The following WDSUB1 variants were observed in gnomAD, a reference collection of about 807,000 sequenced individuals.
WDSUB1 encodes WD repeat, SAM and U-box domain-containing protein 1.
In WDSUB1, 49 loss-of-function variants were observed where a neutral mutation model predicts 53.9. That is an observed-to-expected ratio of 0.91 (90% CI 0.72 to 1.15). The LOEUF (loss-of-function observed/expected upper bound fraction) is 1.15, where lower values mean the gene tolerates loss of function less well. Among genes scored for constraint, WDSUB1 ranks in the 50% most tolerant of loss-of-function variants. WDSUB1 has a pLI of 0.00. For synonymous variants in WDSUB1, 194 were observed against 200.6 expected, an observed-to-expected ratio of 0.97 and a Z score of 0.28; for missense variants, 514 against 562.0, an observed-to-expected ratio of 0.91 and a Z score of 0.86.
rs376351904 is a variant in WDSUB1 at position 159,279,852 on chromosome 2, T to A, written c.492A>T (p.Thr164=). ...GACACCTCATTTTATCATCCCACACTGTTAAATCACCACATGAGGAGCCAG... is the reference window on the plus strand; with the variant it reads ...GACACCTCATTTTATCATCCCACACAGTTAAATCACCACATGAGGAGCCAG... ...FVTGSSCGDL[T]VWDDKMRCLH... The change falls in exon 3 of 11, where the codon ACA becomes ACT. Residue 164 remains threonine (T), a synonymous_variant. Transcript: ENST00000359774. 2.9e-5 allele frequency: 46 copies of A among 1,612,822 alleles called. No homozygotes were observed. The African/African-American group carries it at 5.2e-4, about 18-fold the overall frequency.
chr2:159,247,930 T>TATATATATATAA (rs2060852348), intron 10 of WDSUB1, among the ~76,000 whole-genome samples: 1 of 63,290 alleles, frequency 1.6e-5, no homozygotes, highest in African/African-American at 1.1e-4. Flanking sequence ...TATATATAAA[T>TATATATATATAA]ATATATATAT....
intron 2 of WDSUB1, among the ~76,000 whole-genome samples, chr2:159,281,227 G>C (rs52848): frequency 6.6e-6 from 1 of 151,882 alleles, no homozygotes; most frequent in African/African-American, 2.4e-5. Flanking sequence ...TCATCTAAAA[G>C]TGTTAGCGTG....
At position 159,271,709 on chromosome 2, in the gene WDSUB1, C is replaced by G. The variant is rs1313671973; in HGVS notation, c.763G>C (p.Val255Leu). Reference protein sequence around the residue: ...CAFSHDGQMLVSGSVDKSVIV... With the variant: ...CAFSHDGQMLLSGSVDKSVIV... ...TTAAACCAACTAGCTTACCCTGAGA[C>G]TAGCATCTGCCCATCATGGGAAAAA... The change falls in exon 5 of 11, where the codon GTC (valine) becomes CTC (leucine). Residue 255 changes from valine (V) to leucine (L), a missense_variant. Coordinates refer to ENST00000359774, the MANE Select transcript of WDSUB1 (RefSeq NM_001128212.3). 1 of 1,613,960 alleles carries G rather than the reference C, an allele frequency of 6.2e-7. No individual in the cohort carries two copies. The highest frequency in any genetic ancestry group is 1.1e-5 in the South Asian group (1 of 91,078).
chr2:159,273,451 CCTT>C (rs1420143872), intron 4 of WDSUB1, among the ~76,000 whole-genome samples: 2 of 151,892 alleles, frequency 1.3e-5, no homozygotes, highest in Admixed American at 1.3e-4. Context: ...GAGAGCATCT[CCTT>C]CTGTCACCCA....
chr2:159,278,660 C>T (rs930355299), intron 3 of WDSUB1, among the ~76,000 whole-genome samples: 2 of 152,150 alleles, frequency 1.3e-5, no homozygotes, highest in South Asian at 2.1e-4. Flanking sequence ...AGGGTCTGCA[C>T]GTAAAACCCT....
chr2:159,264,972 T>C (rs78822669), intron 5 of WDSUB1, among the ~76,000 whole-genome samples: 12,546 of 151,464 alleles, frequency 0.083, 1,159 homozygotes, highest in African/African-American at 0.22. Flanking sequence ...TAATCCCAGC[T>C]ACTTGGGAGG....
chr2:159,235,941 C>A lies in WDSUB1; in HGVS notation c.*92G>T. 1 of 1,199,682 alleles carries A rather than the reference C, an allele frequency of 8.3e-7. No individual in the cohort carries two copies. The highest frequency in any genetic ancestry group is 1.1e-6 in the Non-Finnish European group (1 of 921,068). 74.3% of individuals were successfully genotyped at this position (1,199,682 alleles called of 1,614,324 possible). ...TAAATTTAAGAAGTTTACCTTTTTC[C>A]TGTTTTGCTTTTAATAATGTCTGAT... On this transcript the variant is annotated 3_prime_UTR_variant, in exon 11 of 11. Transcript: ENST00000359774.
At chr2:159,238,260 G>C (rs1460745823) in intron 10 of WDSUB1, among the ~76,000 whole-genome samples, 1 of 149,384 alleles carries the variant, frequency 6.7e-6, no homozygotes, top group Non-Finnish European at 1.5e-5. Flanking sequence ...AGAGAGCGAA[G>C]TTTTCCCAAT....
chr2:159,280,787 G>T (rs1006885090), intron 2 of WDSUB1, among the ~76,000 whole-genome samples: 1 of 151,072 alleles, frequency 6.6e-6, no homozygotes, highest in African/African-American at 2.4e-5. Context: ...TTAAAATTAC[G>T]TTAGGAAGAC....
At chr2:159,245,357 A>C (rs928246197) in intron 10 of WDSUB1, among the ~76,000 whole-genome samples, 1 of 151,904 alleles carries the variant, frequency 6.6e-6, no homozygotes, top group Non-Finnish European at 1.5e-5. Flanking sequence ...GCGAAACCCC[A>C]TCTCTACTAA....
chr2:159,273,877 A>G (rs1284922913), intron 4 of WDSUB1, among the ~76,000 whole-genome samples: 1 of 152,236 alleles, frequency 6.6e-6, no homozygotes, highest in Non-Finnish European at 1.5e-5. Flanking sequence ...TTCTCTATAC[A>G]CTATAAACTA....
In WDSUB1 at chr2:159,283,005, AAGG is replaced by A. The variant is rs755791014; in HGVS notation, c.62_64del (p.Ser21del). On this transcript the variant is annotated inframe_deletion, in exon 2 of 11. Coordinates refer to ENST00000359774, the MANE Select transcript of WDSUB1 (RefSeq NM_001128212.3). ...CAAGGAGCAAGTAGCCAAGAGGGAAAAGGAGAAGGCACAGCAGTTGACATCGTC... is the reference window on the plus strand; with the variant it reads ...CAAGGAGCAAGTAGCCAAGAGGGAAAAGAAGGCACAGCAGTTGACATCGTC... 1.2e-6 allele frequency: 2 copies of A among 1,614,092 alleles called. No homozygotes were observed. The highest frequency in any genetic ancestry group is 2.7e-5 in the African/African-American group (2 of 74,934).
chr2:159,257,723 G>A (rs1410138975), intron 8 of WDSUB1, 35 bp downstream of exon 8: 2 of 1,561,686 alleles, frequency 1.3e-6, no homozygotes, highest in Non-Finnish European at 1.8e-6. Flanking sequence ...TGGTGAGTGG[G>A]GTTGAAATGA....
chr2:159,256,178 A>G lies in WDSUB1; in HGVS notation c.1132+18T>C, dbSNP rs1404279864. 5.1e-6 allele frequency: 8 copies of G among 1,576,258 alleles called. No homozygotes were observed. The highest frequency in any genetic ancestry group is 1.4e-5 in the African/African-American group (1 of 72,616). The stretch of plus-strand genomic sequence containing the variant: ...GTAAAAGTTGTTTTGAAGATTGCCT[A>G]TCTTTCACTAAGCTTACCAATTTTC... On this transcript the variant is annotated intron_variant, in intron 9 of 10. Transcript: ENST00000359774.
chr2:159,242,006 T>A (rs1348711431), intron 10 of WDSUB1, among the ~76,000 whole-genome samples: 1 of 147,368 alleles, frequency 6.8e-6, no homozygotes, highest in Admixed American at 6.6e-5. Context: ...CAAATGGTGT[T>A]CTCTCTGATA....
chr2:159,244,873 T>C (rs1459408708), intron 10 of WDSUB1, among the ~76,000 whole-genome samples: 1 of 152,172 alleles, frequency 6.6e-6, no homozygotes, highest in Non-Finnish European at 1.5e-5. Flanking sequence ...GAAACTGCAG[T>C]GAGTTAAGAT....
chr2:159,269,415 C>T (rs1305817485), intron 5 of WDSUB1, among the ~76,000 whole-genome samples: 2 of 152,124 alleles, frequency 1.3e-5, no homozygotes, highest in African/African-American at 4.8e-5. Flanking sequence ...AAGTGATAGG[C>T]CTGCCTCTGC....
At position 159,275,618 on chromosome 2, in the gene WDSUB1, A is replaced by T; in HGVS notation, c.604T>A (p.Phe202Ile). Reference protein sequence around the residue: ...PVSDGEQGLQFFRLASCGQDC... With the variant: ...PVSDGEQGLQIFRLASCGQDC... ...TGACCACATGATGCCAGTCGAAAAAACTGAAGACCTTGTTCTCCATCTAAA... is the reference window on the plus strand; with the variant it reads ...TGACCACATGATGCCAGTCGAAAAATCTGAAGACCTTGTTCTCCATCTAAA... The change falls in exon 4 of 11, where the codon TTT (phenylalanine) becomes ATT (isoleucine). Residue 202 changes from phenylalanine to isoleucine, a missense_variant. Phe to Ile is a conservative substitution (Grantham distance 21). Transcript: ENST00000359774. 2 of 1,604,144 alleles carry T rather than the reference A, an allele frequency of 1.2e-6. No individual in the cohort carries two copies. Among genetic ancestry groups the T allele is most frequent in the East Asian group, 4.5e-5 (2 of 44,576 alleles).
chr2:159,257,058 G>A (rs553992814), intron 8 of WDSUB1, among the ~76,000 whole-genome samples: 138 of 152,188 alleles, frequency 9.1e-4, no homozygotes, highest in Non-Finnish European at 3.1e-4. Flanking sequence ...AAGTACAGTG[G>A]CGTGTTCTCA....
Sources: allele counts gnomAD v4.1 joint callset (sites outside exome capture counted in the v4.1 genomes callset), GRCh38; gene constraint gnomAD v4.1.1; transcripts MANE v1.5; gene names NCBI Gene and HGNC (gene_info 2026-07-23, HGNC 2026-07-21).